Variants in LIN7A observed in about 807,000 individuals in gnomAD.
LIN7A encodes the protein lin-7 cell polarity scaffold A.
LIN7A carries 25 observed loss-of-function variants against 29.8 expected under a neutral mutation model. The observed-to-expected ratio is 0.84, with a 90% CI of 0.61 to 1.17. LIN7A has a LOEUF of 1.17. Among genes scored for constraint, LIN7A ranks in the 50% most tolerant of loss-of-function variants. The probability of loss-of-function intolerance (pLI) is 0.00; values close to 1 mark genes in which losing one functional copy is unlikely to be tolerated. For synonymous variants in LIN7A, 118 were observed against 107.5 expected, an observed-to-expected ratio of 1.10 and a Z score of -0.60; for missense variants, 239 against 287.0, an observed-to-expected ratio of 0.83 and a Z score of 1.21.
At chr12:80,814,278 G>A (rs1259013538) in intron 4 of LIN7A, among the ~76,000 whole-genome samples, 1 of 152,126 alleles carries the variant, frequency 6.6e-6, no homozygotes, top group East Asian at 1.9e-4. Context: ...TTTTCAGTAT[G>A]TTTGTAATTT....
chr12:80,890,141 A>G (rs1875548100), intron 1 of LIN7A, among the ~76,000 whole-genome samples: 1 of 152,222 alleles, frequency 6.6e-6, no homozygotes, highest in Admixed American at 6.5e-5. Context: ...AGGTTAATGT[A>G]TCAAGAAACA....
At chr12:80,853,128 C>T (rs2400841) in intron 2 of LIN7A, among the ~76,000 whole-genome samples, 64,499 of 151,980 alleles carry the variant, frequency 0.42, 14,144 homozygotes, top group East Asian at 0.67. Flanking sequence ...TAAGCCACTA[C>T]AGCTGGACTT....
At chr12:80,899,760 T>TTTTC (rs1565921222) in intron 1 of LIN7A, among the ~76,000 whole-genome samples, 4 of 91,332 alleles carry the variant, frequency 4.4e-5, no homozygotes, top group Non-Finnish European at 1.3e-4. Context: ...AGGTTTTCTT[T>TTTTC]TTTTCTTTTC....
intron 1 of LIN7A, among the ~76,000 whole-genome samples, chr12:80,894,745 T>A (rs1875798200): frequency 6.6e-6 from 1 of 152,194 alleles, no homozygotes; most frequent in East Asian, 1.9e-4. Flanking sequence ...ATCACTGAGT[T>A]TAATACATGG....
chr12:80,865,348 G>C (rs1874084036), intron 2 of LIN7A, among the ~76,000 whole-genome samples: 1 of 65,910 alleles, frequency 1.5e-5, no homozygotes, highest in African/African-American at 6.3e-5. Context: ...AAACTGAGTG[G>C]CCTATCCTGC....
rs1412022678 is a variant in LIN7A, at chr12:80,916,459, A to G, written c.82+21182T>C. 2.0e-5 allele frequency among the ~76,000 whole-genome samples: 3 copies of G among 152,102 alleles called. No homozygotes were observed. In the East Asian group the frequency reaches 5.8e-4, roughly 29 times the overall value. On this transcript the variant is annotated intron_variant, in intron 1 of 5. Coordinates refer to ENST00000552864, the MANE Select transcript of LIN7A (RefSeq NM_004664.4). ...TGCTGTTTGTCCAACACTTTAGAAC[A>G]TTACTGCCTCAAGGCATTTACACTT...
chr12:80,807,117 G>C (rs751086680), intron 5 of LIN7A, among the ~76,000 whole-genome samples: 41 of 119,260 alleles, frequency 3.4e-4, no homozygotes, highest in Non-Finnish European at 5.6e-4. Flanking sequence ...TGTCACCCAG[G>C]CTGGAGTGCA....
At chr12:80,926,436 T>C (rs1037875342) in intron 1 of LIN7A, among the ~76,000 whole-genome samples, 5 of 152,202 alleles carry the variant, frequency 3.3e-5, no homozygotes, top group African/African-American at 1.2e-4. Flanking sequence ...TTGGACTCTA[T>C]TTAGAAATAG....
chr12:80,882,713 CACTT>C (rs1402304119), intron 2 of LIN7A, among the ~76,000 whole-genome samples: 6 of 152,184 alleles, frequency 3.9e-5, no homozygotes, highest in Non-Finnish European at 8.8e-5. Context: ...AGCTTTTTAT[CACTT>C]AATCCATCAA....
chr12:80,805,227 C>T (rs1429410341), intron 5 of LIN7A, among the ~76,000 whole-genome samples: 1 of 152,130 alleles, frequency 6.6e-6, no homozygotes, highest in Non-Finnish European at 1.5e-5. Context: ...CTTGGAAACT[C>T]TGGGTTCCTT....
At chr12:80,885,393 T>C (rs948949386) in intron 2 of LIN7A, among the ~76,000 whole-genome samples, 1 of 152,146 alleles carries the variant, frequency 6.6e-6, no homozygotes, top group African/African-American at 2.4e-5. Flanking sequence ...AAAACTTGTG[T>C]AAATGTGCTC....
chr12:80,879,228 A>G (rs900483209), intron 2 of LIN7A, among the ~76,000 whole-genome samples: 3 of 151,054 alleles, frequency 2.0e-5, no homozygotes, highest in Non-Finnish European at 4.4e-5. Context: ...TTCTCAACTG[A>G]TATTATAGAC....
At chr12:80,829,758 A>G (rs1872256812) in intron 4 of LIN7A, among the ~76,000 whole-genome samples, 1 of 152,118 alleles carries the variant, frequency 6.6e-6, no homozygotes, top group South Asian at 2.1e-4. Context: ...CCCTTCCCCA[A>G]ATAATAATGT....
intron 5 of LIN7A, among the ~76,000 whole-genome samples, chr12:80,805,227 C>G (rs1429410341): frequency 1.3e-5 from 2 of 152,130 alleles, no homozygotes; most frequent in Non-Finnish European, 2.9e-5. Context: ...CTTGGAAACT[C>G]TGGGTTCCTT....
chr12:80,838,671 C>T (rs550368413), intron 4 of LIN7A, among the ~76,000 whole-genome samples: 2 of 152,322 alleles, frequency 1.3e-5, no homozygotes, highest in South Asian at 4.1e-4. Context: ...CCCCACTCAG[C>T]TTCTGAGAAA....
chr12:80,910,400 A>G (rs1242434797), intron 1 of LIN7A, among the ~76,000 whole-genome samples: 2 of 152,138 alleles, frequency 1.3e-5, no homozygotes, highest in Non-Finnish European at 2.9e-5. Flanking sequence ...ACTGACTAGG[A>G]CACCTCATAA....
intron 1 of LIN7A, among the ~76,000 whole-genome samples, chr12:80,920,932 G>A (rs1003587476): frequency 2.6e-4 from 40 of 152,136 alleles, no homozygotes; most frequent in African/African-American, 9.2e-4. Flanking sequence ...CTGGCCTATG[G>A]CTAAACTGTT....
intron 2 of LIN7A, among the ~76,000 whole-genome samples, chr12:80,862,914 A>G (rs1004159464): frequency 6.6e-6 from 1 of 152,184 alleles, no homozygotes; most frequent in African/African-American, 2.4e-5. Flanking sequence ...TACCTTTACT[A>G]ACACCATCCT....
intron 1 of LIN7A, among the ~76,000 whole-genome samples, chr12:80,933,676 C>G (rs1254441063): frequency 6.6e-6 from 1 of 152,174 alleles, no homozygotes; most frequent in East Asian, 1.9e-4. Flanking sequence ...CACTGACCTT[C>G]CTGGCTGTTC....
Sources: allele counts gnomAD v4.1 joint callset (sites outside exome capture counted in the v4.1 genomes callset), GRCh38; gene constraint gnomAD v4.1.1; transcripts MANE v1.5; gene names NCBI Gene and HGNC (gene_info 2026-07-23, HGNC 2026-07-21).